The following LYSMD1 variants were observed in gnomAD, a reference collection of about 807,000 sequenced individuals.
The protein encoded by LYSMD1 is LysM domain containing 1, also known as lysM and putative peptidoglycan-binding domain-containing protein 1.
Under a neutral mutation model 19.3 loss-of-function variants are expected in LYSMD1, and 9 were observed. That is an observed-to-expected ratio of 0.47 (90% confidence interval 0.28 to 0.81). The LOEUF is 0.81. LYSMD1 is among the 40% of genes least tolerant of loss of function. The pLI is 0.11. For missense variants in LYSMD1, 262 were observed against 279.8 expected (o/e 0.94, Z 0.45); for synonymous variants, 111 against 111.7 (o/e 0.99, Z 0.04).
At position 151,161,006 on chromosome 1, in the gene LYSMD1, T is replaced by G. The variant is rs1189092325; in HGVS notation, c.560A>C (p.Asp187Ala). The part of the protein sequence containing the change: ...KKGENGVPGE[D>A]AGLHLSSPWM... Reference sequence around the variant, plus strand: ...AGGGGAGCTCAGGTGGAGACCTGCATCCTCCCCAGGTACCCTGCAATTGAG... The same window carrying G: ...AGGGGAGCTCAGGTGGAGACCTGCAGCCTCCCCAGGTACCCTGCAATTGAG... The change falls in exon 3 of 3, where the codon GAT becomes GCT. Residue 187 changes from aspartate to alanine, a missense_variant. Coordinates refer to ENST00000368908, the MANE Select transcript of LYSMD1 (RefSeq NM_212551.5). 14 of 1,613,740 alleles carry G rather than the reference T, an allele frequency of 8.7e-6. No individual in the cohort carries two copies. The highest frequency in any genetic ancestry group is 1.3e-5 in the African/African-American group (1 of 74,822).
chr1:151,158,426 C>T (rs587775772), downstream of LYSMD1, among the ~76,000 whole-genome samples: 1 of 152,174 alleles, frequency 6.6e-6, no homozygotes, highest in South Asian at 2.1e-4. Flanking sequence ...GGCTAGCCTC[C>T]CGTGTGCCCA....
At chr1:151,161,357 C>T (rs587748917) in intron 2 of LYSMD1, among the ~76,000 whole-genome samples, 20 of 152,196 alleles carry the variant, frequency 1.3e-4, no homozygotes, top group Middle Eastern at 3.4e-3. Flanking sequence ...ATTAGCCGGG[C>T]GTGGTGGCGG....
downstream of LYSMD1, chr1:151,159,420 A>G (rs913545312): frequency 1.4e-5 from 10 of 691,728 alleles, no homozygotes; most frequent in African/African-American, 1.6e-4. Context: ...CCAAACAGCT[A>G]GTGGAGAAGG....
At position 151,165,632 on chromosome 1, in the gene LYSMD1, C is replaced by A; in HGVS notation, c.-374G>T. Reference sequence around the variant, plus strand: ...CTGGCCTCAGGGCGCTCCAACATCCCAGCTCTCCCCGGTCCCGGGGTTTGT... The same window carrying A: ...CTGGCCTCAGGGCGCTCCAACATCCAAGCTCTCCCCGGTCCCGGGGTTTGT... On this transcript the variant is annotated 5_prime_UTR_variant, in exon 1 of 3. Transcript: ENST00000368908. The A allele has an allele frequency of 6.5e-7, 1 of 1,541,952 alleles. No individual in the cohort carries two copies.
intron 1 of LYSMD1, among the ~76,000 whole-genome samples, chr1:151,164,674 T>C (rs1683594647): frequency 6.6e-6 from 1 of 152,132 alleles, no homozygotes; most frequent in African/African-American, 2.4e-5. Flanking sequence ...CAACATAAAA[T>C]TTTCTGTGTG....
intron 2 of LYSMD1, 77 bp downstream of exon 2, chr1:151,161,659 T>C: frequency 6.5e-7 from 1 of 1,544,746 alleles, no homozygotes; most frequent in East Asian, 2.3e-5. Context: ...CCTTACTTAC[T>C]TGTGTTTGTG....
At chr1:151,156,870 G>C (rs1239914967), downstream of LYSMD1, 1 of 152,446 alleles carries the variant, frequency 6.6e-6, no homozygotes, top group Non-Finnish European at 1.5e-5. Flanking sequence ...TAGTTTTTCT[G>C]GTGGCAAGGC....
Position 151,165,316 on chromosome 1 carries a change from A to C in LYSMD1, c.-58T>G. Reference sequence around the variant, plus strand: ...TAGGGGAGGTACGACCGAGACTGCGACTGACAGGCCTGAAGTCTGGGAATG... The same window carrying C: ...TAGGGGAGGTACGACCGAGACTGCGCCTGACAGGCCTGAAGTCTGGGAATG... On this transcript the variant is annotated 5_prime_UTR_variant, in exon 1 of 3. Transcript: ENST00000368908. The C allele has an allele frequency of 6.3e-7, 1 of 1,577,076 alleles. No individual in the cohort carries two copies. The highest frequency in any genetic ancestry group is 1.8e-5 in the Admixed American group (1 of 55,298).
At chr1:151,150,347 C>T in the LYSMD1 span, among the ~76,000 whole-genome samples, 2 of 152,352 alleles carry the variant, frequency 1.3e-5, no homozygotes, top group East Asian at 3.9e-4. Context: ...TCCAAACTTT[C>T]TCTTGATCCT....
At chr1:151,159,512 C>A, downstream of LYSMD1, 2 of 430,158 alleles carry the variant, frequency 4.6e-6, no homozygotes, top group Non-Finnish European at 4.4e-6. Context: ...TGAAGTGAAA[C>A]TTGGATCTCT....
chr1:151,159,170 C>T, downstream of LYSMD1: 8 of 1,614,208 alleles, frequency 5.0e-6, no homozygotes, highest in Non-Finnish European at 6.8e-6. Context: ...CTGCTCACGG[C>T]CCTCTATGGG....
rs1302790596 is a variant in LYSMD1 at position 151,165,395 on chromosome 1, C to G, written c.-137G>C. 2 of 1,451,060 alleles carry G rather than the reference C, an allele frequency of 1.4e-6. No individual in the cohort carries two copies. Among genetic ancestry groups the G allele is most frequent in the Admixed American group, 2.8e-5 (1 of 36,254 alleles). 89.9% of individuals were successfully genotyped at this position (1,451,060 alleles called of 1,614,324 possible). A position where few individuals can be genotyped will look rare whatever the true frequency, so the allele number is the denominator to read the frequency against. On this transcript the variant is annotated 5_prime_UTR_variant, in exon 1 of 3. Transcript: ENST00000368908. ...CTCTTCCCCTGTGTCCCCGCCTCCC[C>G]AGCACTACGCCATCTGCCCCCTCCC...
chr1:151,154,724 C>T, the LYSMD1 span, among the ~76,000 whole-genome samples: 1 of 152,116 alleles, frequency 6.6e-6, no homozygotes, highest in South Asian at 2.1e-4. Context: ...CGGCTCACTA[C>T]AACCTCTGCC....
At chr1:151,159,094 C>T (rs772996315), downstream of LYSMD1, 2 of 1,614,188 alleles carry the variant, frequency 1.2e-6, no homozygotes, top group South Asian at 2.2e-5. Flanking sequence ...GTTGGTGGAA[C>T]ACCACCTCAC....
the LYSMD1 span, among the ~76,000 whole-genome samples, chr1:151,149,654 G>A: frequency 6.6e-6 from 1 of 152,066 alleles, no homozygotes; most frequent in Admixed American, 6.6e-5. Context: ...GGGAGGCTGA[G>A]GCAGGAGAAT....
chr1:151,161,999 G>A lies in LYSMD1; in HGVS notation c.282C>T (p.Phe94=). ...TCTCTTCCTCAGAGTCCAAACCATT[G>A]AACAGGTCTCTGGGCTCTGTCAGGA... ...IPILTEPRDL[F]NGLDSEEEKD... The change falls in exon 2 of 3, where the codon TTC becomes TTT. Residue 94 remains phenylalanine, a synonymous_variant. Transcript: ENST00000368908. 1.2e-6 allele frequency: 2 copies of A among 1,613,964 alleles called. No homozygotes were observed. The highest frequency in any genetic ancestry group is 1.7e-6 in the Non-Finnish European group (2 of 1,180,020).
At chr1:151,161,123 G>C (rs1290021768) in intron 2 of LYSMD1, 103 bp from the exon 3 acceptor site, 1 of 1,321,386 alleles carries the variant, frequency 7.6e-7, no homozygotes, top group African/African-American at 1.4e-5. Context: ...TACATAAGCT[G>C]GTTGCTTCAA....
rs1410747757 is a variant in LYSMD1, at chr1:151,160,340, C to G, written c.*542G>C. On this transcript the variant is annotated 3_prime_UTR_variant, in exon 3 of 3. Transcript: ENST00000368908. Reference sequence around the variant, plus strand: ...TGTGGTGGGCTATATCACCGATTGCCTCATCCTCAATAACATGTTTGGCTA... The same window carrying G: ...TGTGGTGGGCTATATCACCGATTGCGTCATCCTCAATAACATGTTTGGCTA... 1 of 151,362 alleles carries G rather than the reference C, an allele frequency of 6.6e-6. No homozygotes were observed. The highest frequency in any genetic ancestry group is 1.9e-4 in the East Asian group (1 of 5,146). The allele number at this position is 151,362 out of a possible 1,614,324, so 9.4% of individuals were successfully genotyped here. A position where few individuals can be genotyped will look rare whatever the true frequency, so the allele number is the denominator to read the frequency against.
chr1:151,165,286 G>A lies in LYSMD1; in HGVS notation c.-28C>T, dbSNP rs779350507. 2.5e-6 allele frequency: 4 copies of A among 1,600,340 alleles called. No homozygotes were observed. Among genetic ancestry groups the A allele is most frequent in the South Asian group, 1.1e-5 (1 of 90,126 alleles). On this transcript the variant is annotated 5_prime_UTR_variant, in exon 1 of 3. Coordinates refer to ENST00000368908, the MANE Select transcript of LYSMD1 (RefSeq NM_212551.5). ...CTTCACCCTGCCAACAGCTAAGGTT[G>A]CAACTAGGGGAGGTACGACCGAGAC...
Sources: gnomAD v4.1 joint callset for allele counts (sites outside exome capture counted in the v4.1 genomes callset) on GRCh38, gnomAD v4.1.1 for gene constraint, MANE v1.5 for transcripts, NCBI Gene and HGNC (gene_info 2026-07-23, HGNC 2026-07-21) for gene names.